The following INTU variants were observed in gnomAD, a reference collection of about 807,000 sequenced individuals.
The protein encoded by INTU is protein inturned.
In INTU, 68 loss-of-function variants were observed where a neutral mutation model predicts 100.5. That is an observed-to-expected ratio of 0.68 (90% CI 0.56 to 0.83). The LOEUF (loss-of-function observed/expected upper bound fraction) is 0.83, where lower values mean the gene tolerates loss of function less well. Ranked by LOEUF, INTU falls within the 40% of genes least tolerant of loss-of-function variation. INTU has a pLI of 0.00. For missense variants in INTU, 1,071 were observed against 1,114.7 expected, an observed-to-expected ratio of 0.96 and a Z score of 0.56; for synonymous variants, 357 against 395.7, an observed-to-expected ratio of 0.90 and a Z score of 1.16.
intron 6 of INTU, among the ~76,000 whole-genome samples, chr4:127,679,819 G>GT (rs1729431463): frequency 6.6e-6 from 1 of 152,018 alleles, no homozygotes; most frequent in Admixed American, 6.6e-5. Context: ...CCAGGAGCTG[G>GT]TTTTTTGAAA....
At chr4:127,656,245 CT>C (rs1180159190) in intron 2 of INTU, among the ~76,000 whole-genome samples, 3 of 152,066 alleles carry the variant, frequency 2.0e-5, no homozygotes, top group African/African-American at 7.2e-5. Context: ...CTTGGCTCCT[CT>C]GTTTTGTTTT....
intron 2 of INTU, among the ~76,000 whole-genome samples, chr4:127,655,449 C>A (rs1371574542): frequency 6.7e-6 from 1 of 150,078 alleles, no homozygotes; most frequent in East Asian, 1.9e-4. Flanking sequence ...ACAGACTGTA[C>A]CCTCAGCTGC....
chr4:127,643,992 G>A lies in INTU; in HGVS notation c.618G>A (p.Glu206=). ...GAACCGGAAAGCAGGGTGATGGAGA[G>A]AGGCTTGTGGTTCATGGCCTGCTGC... ...WRRTGKQGDG[E]RLVVHGLLPG... Residue 206 remains glutamate, a synonymous_variant, in exon 2 of 16, where the codon GAG becomes GAA. Coordinates refer to ENST00000335251, the MANE Select transcript of INTU (RefSeq NM_015693.4). The A allele has an allele frequency of 6.2e-7, 1 of 1,614,198 alleles. No individual in the cohort carries two copies. Among genetic ancestry groups the A allele is most frequent in the Non-Finnish European group, 8.5e-7 (1 of 1,180,026 alleles).
intron 14 of INTU, among the ~76,000 whole-genome samples, chr4:127,712,294 AT>A (rs957046860): frequency 6.6e-6 from 1 of 152,122 alleles, no homozygotes; most frequent in Non-Finnish European, 1.5e-5. Context: ...GTCCTCAGAA[AT>A]TGTTATTCTG....
At position 127,692,541 on chromosome 4, in the gene INTU, G is replaced by A. The variant is rs535920940; in HGVS notation, c.1449+4674G>A. On this transcript the variant is annotated intron_variant, in intron 8 of 15. Transcript: ENST00000335251. ...AAGATTTTCTCCCACTCTGTGGGGTGTTAACTCTGATGATTATTTATTTTG... is the reference window on the plus strand; with the variant it reads ...AAGATTTTCTCCCACTCTGTGGGGTATTAACTCTGATGATTATTTATTTTG... Among the ~76,000 whole-genome samples, 6 of 152,264 alleles carry A rather than the reference G, an allele frequency of 3.9e-5. No individual in the cohort carries two copies. The South Asian group carries it at 1.0e-3, about 26-fold the overall frequency.
At position 127,719,864 on chromosome 4, in the gene INTU, T is replaced by G. The variant is rs537044396; in HGVS notation, c.*3428T>G. 1.3e-5 allele frequency: 2 copies of G among 152,194 alleles called. No homozygotes were observed. Among genetic ancestry groups the G allele is most frequent in the South Asian group, 2.1e-4 (1 of 4,830 alleles). The allele number at this position is 152,194 out of a possible 1,614,324, so 9.4% of individuals were successfully genotyped here. ...ATTTTTTATTGTGTCTATTTGGTTC[T>G]TCTCTCTTTTCTTCTTTATTAGTCT... On this transcript the variant is annotated 3_prime_UTR_variant, in exon 16 of 16. Transcript: ENST00000335251.
rs746190643 is a variant in INTU at position 127,706,890 on chromosome 4, ATAC to A, written c.2196_2198del (p.Thr733del). 6.2e-7 allele frequency: 1 copy of A among 1,613,988 alleles called. No homozygotes were observed. Among genetic ancestry groups the A allele is most frequent in the East Asian group, 2.2e-5 (1 of 44,882 alleles). ...GGAGAAGATGATGGCTTTAGCCCCC[ATAC>A]TACACCGGATGCAGTACGGAAGCAA... On this transcript the variant is annotated inframe_deletion, in exon 12 of 16. Coordinates refer to ENST00000335251, the MANE Select transcript of INTU (RefSeq NM_015693.4).
Position 127,643,696 on chromosome 4 carries a change from G to T in INTU, c.322G>T (p.Glu108Ter). 6.2e-7 allele frequency: 1 copy of T among 1,611,974 alleles called. No individual in the cohort carries two copies. ...TGACTACAAAGAAAGAAAAAAGTAT[G>T]AACCCAAACTCAAGCAGTTTACCAA... ...EDDYKERKKY[E>*]PKLKQFTKIL... The change falls in exon 2 of 16, where the codon GAA becomes TAA. Residue 108 changes from glutamate (E) to a stop codon, truncating the protein, a stop_gained. Coordinates refer to ENST00000335251, the MANE Select transcript of INTU (RefSeq NM_015693.4). LOFTEE classifies it high-confidence loss of function.
Position 127,646,807 on chromosome 4 carries a change from G to C in INTU, c.682+2751G>C, listed in dbSNP as rs377415073. ...TTTGGTGCCCACATATTATAGACGA[G>C]GGGTTGAGATTGAAACTCAAAAAAA... On this transcript the variant is annotated intron_variant, in intron 2 of 15. Transcript: ENST00000335251. Among the ~76,000 whole-genome samples, 19 of 152,162 alleles carry C rather than the reference G, an allele frequency of 1.2e-4. 1 individual carries two copies. The South Asian group carries it at 3.9e-3, about 32-fold the overall frequency.
rs1731384821 is a variant in INTU, at chr4:127,724,062, G to A, written c.*7626G>A. 6.6e-6 allele frequency: 1 copy of A among 151,888 alleles called. No homozygotes were observed. The highest frequency in any genetic ancestry group is 1.5e-5 in the Non-Finnish European group (1 of 67,974). The allele number at this position is 151,888 out of a possible 1,614,324, so 9.4% of individuals were successfully genotyped here. ...AGCTGCATGTAAATCTTTTTTTAAA[G>A]CTAAATCATGTTAAAGACACTGAAA... is the stretch of plus-strand genomic sequence containing the variant. On this transcript the variant is annotated 3_prime_UTR_variant, in exon 16 of 16. Transcript: ENST00000335251.
intron 7 of INTU, chr4:127,686,511 T>C (rs1016142820): frequency 5.3e-5 from 8 of 152,226 alleles, no homozygotes; most frequent in Admixed American, 2.0e-4. Flanking sequence ...TCCTTTGCAC[T>C]GTATTGCAAA....
At chr4:127,709,720 C>G (rs28378647) in intron 13 of INTU, among the ~76,000 whole-genome samples, 5 of 141,968 alleles carry the variant, frequency 3.5e-5, no homozygotes, top group African/African-American at 1.6e-4. Context: ...TTCACACACA[C>G]ACACACACAC....
At chr4:127,649,090 AAGGAGGAAT>A (rs1727714543) in intron 2 of INTU, among the ~76,000 whole-genome samples, 1 of 152,158 alleles carries the variant, frequency 6.6e-6, no homozygotes, top group Admixed American at 6.6e-5. Flanking sequence ...GAAGGAAAAA[AAGGAGGAAT>A]AGCAGTACCT....
rs1728814098 is a variant in INTU, at chr4:127,669,121, T to C, written c.1058T>C (p.Met353Thr). ...VRGIFLTLCD[M>T]LENVTGTQVT... ...GGGATTTTTCTCACACTCTGTGACA[T>C]GCTGGAAAACGTAACTGGGACACAA... Residue 353 changes from methionine to threonine, a missense_variant, in exon 5 of 16, where the codon ATG (methionine) becomes ACG (threonine). Met to Thr is a moderately conservative substitution (Grantham distance 81, BLOSUM62 -1). Coordinates refer to ENST00000335251, the MANE Select transcript of INTU (RefSeq NM_015693.4). 6.5e-7 allele frequency: 1 copy of C among 1,543,246 alleles called. No homozygotes were observed. Among genetic ancestry groups the C allele is most frequent in the Non-Finnish European group, 8.8e-7 (1 of 1,135,294 alleles).
intron 5 of INTU, among the ~76,000 whole-genome samples, chr4:127,670,473 G>A (rs890758352): frequency 1.3e-5 from 2 of 151,898 alleles, no homozygotes; most frequent in African/African-American, 4.8e-5. Flanking sequence ...CAATACAGTA[G>A]TACTGGAGGC....
intron 7 of INTU, chr4:127,685,556 C>T (rs927215182): frequency 2.5e-5 from 11 of 442,836 alleles, no homozygotes; most frequent in Admixed American, 1.5e-4. Flanking sequence ...TGCTTACCAA[C>T]ATTTTCCAGA....
chr4:127,654,386 C>G (rs1178932689), intron 2 of INTU, among the ~76,000 whole-genome samples: 1 of 152,104 alleles, frequency 6.6e-6, no homozygotes, highest in Non-Finnish European at 1.5e-5. Context: ...ATGTTTAGTG[C>G]TTCCTTCAGG....
intron 8 of INTU, among the ~76,000 whole-genome samples, chr4:127,688,973 T>TTTTTTTTTTTTTTTTTTTTTTTTTC (rs1553982002): frequency 2.2e-5 from 1 of 46,408 alleles, no homozygotes; most frequent in Admixed American, 2.7e-4. Flanking sequence ...CTTTCTTTCT[T>TTTTTTTTTTTTTTTTTTTTTTTTTC]TTTTTTTTTT....
At chr4:127,684,713 T>TC (rs1729738189) in intron 7 of INTU, among the ~76,000 whole-genome samples, 1 of 151,898 alleles carries the variant, frequency 6.6e-6, no homozygotes, top group East Asian at 1.9e-4. Context: ...CTTTTTCTCC[T>TC]TCCTCTTCTT....
Sources: allele counts gnomAD v4.1 joint callset (sites outside exome capture counted in the v4.1 genomes callset), GRCh38; gene constraint gnomAD v4.1.1; transcripts MANE v1.5; gene names NCBI Gene and HGNC (gene_info 2026-07-23, HGNC 2026-07-21).